Variants in DTWD2 observed in about 807,000 individuals in gnomAD.
DTWD2 encodes DTW motif tRNA-uridine aminocarboxypropyltransferase 2.
DTWD2 carries 39 observed loss-of-function variants against 31.8 expected under a neutral mutation model. The observed-to-expected ratio is 1.22, with a 90% confidence interval of 0.95 to 1.60. The LOEUF (loss-of-function observed/expected upper bound fraction) is 1.60, where lower values mean the gene tolerates loss of function less well. Ranked by LOEUF, DTWD2 falls within the 40% of genes most tolerant of loss-of-function variation. The pLI, the probability that DTWD2 is intolerant of heterozygous loss-of-function variation, is 0.00. For missense variants in DTWD2, 515 were observed against 381.5 expected (o/e 1.35, Z -2.92); for synonymous variants, 180 against 142.8 (o/e 1.26, Z -1.86).
At chr5:118,952,519 G>A (rs184590918) in intron 1 of DTWD2, among the ~76,000 whole-genome samples, 2 of 152,286 alleles carry the variant, frequency 1.3e-5, no homozygotes, top group Non-Finnish European at 2.9e-5. Flanking sequence ...TGAGCCGGGA[G>A]AAGGAATTTC....
At chr5:118,918,658 C>T (rs1235849138) in intron 4 of DTWD2, among the ~76,000 whole-genome samples, 1 of 152,076 alleles carries the variant, frequency 6.6e-6, no homozygotes, top group African/African-American at 2.4e-5. Context: ...ATTGCAACTG[C>T]TACTGCCACC....
At chr5:118,921,705 T>C (rs1167765644) in intron 4 of DTWD2, among the ~76,000 whole-genome samples, 1 of 152,048 alleles carries the variant, frequency 6.6e-6, no homozygotes. Flanking sequence ...TCCTGGAAAA[T>C]ACAGTACAGA....
intron 4 of DTWD2, among the ~76,000 whole-genome samples, chr5:118,903,158 A>C (rs896017152): frequency 5.9e-5 from 9 of 152,084 alleles, no homozygotes; most frequent in Non-Finnish European, 1.2e-4. Context: ...AAAAAAAAAA[A>C]AAACTTGAGT....
chr5:118,910,150 T>A (rs894861529), intron 4 of DTWD2, among the ~76,000 whole-genome samples: 1 of 152,226 alleles, frequency 6.6e-6, no homozygotes, highest in African/African-American at 2.4e-5. Context: ...AGGGTGACAA[T>A]TTTCCAAATC....
chr5:118,954,068 C>T (rs528341950), intron 1 of DTWD2, among the ~76,000 whole-genome samples: 13 of 152,064 alleles, frequency 8.5e-5, no homozygotes, highest in Non-Finnish European at 1.8e-4. Flanking sequence ...CACAGGAATT[C>T]GAGATCAGCC....
chr5:118,978,684 C>T (rs1201941239), intron 1 of DTWD2, among the ~76,000 whole-genome samples: 1 of 152,216 alleles, frequency 6.6e-6, no homozygotes, highest in African/African-American at 2.4e-5. Context: ...GATACCATCT[C>T]ATGCCAGTCA....
At chr5:118,873,996 T>C (rs1012778174) in intron 4 of DTWD2, among the ~76,000 whole-genome samples, 3 of 152,120 alleles carry the variant, frequency 2.0e-5, no homozygotes, top group African/African-American at 7.2e-5. Flanking sequence ...CCAAGTGCAG[T>C]GGATTCCAAG....
At chr5:118,979,508 A>G (rs1755244907) in intron 1 of DTWD2, among the ~76,000 whole-genome samples, 2 of 152,188 alleles carry the variant, frequency 1.3e-5, no homozygotes, top group African/African-American at 4.8e-5. Flanking sequence ...ATTACTGGGT[A>G]TATTACCAAA....
intron 4 of DTWD2, among the ~76,000 whole-genome samples, chr5:118,921,798 G>T (rs1753710682): frequency 6.6e-6 from 1 of 152,084 alleles, no homozygotes; most frequent in African/African-American, 2.4e-5. Context: ...AACCAACTCT[G>T]AATGCTGACA....
At chr5:118,961,488 T>TCCCA (rs143789214) in intron 1 of DTWD2, among the ~76,000 whole-genome samples, 3,044 of 152,258 alleles carry the variant, frequency 0.02, 95 homozygotes, top group African/African-American at 0.069. Context: ...TTTTGTATTA[T>TCCCA]CCCAGCTGTG....
At chr5:118,962,812 G>A (rs1324535979) in intron 1 of DTWD2, among the ~76,000 whole-genome samples, 1 of 152,180 alleles carries the variant, frequency 6.6e-6, no homozygotes. Context: ...TGAAACTAAG[G>A]CTTAGAGAGG....
At chr5:118,847,682 C>T (rs368236302) in intron 5 of DTWD2, among the ~76,000 whole-genome samples, 5 of 150,522 alleles carry the variant, frequency 3.3e-5, no homozygotes, top group African/African-American at 9.8e-5. Flanking sequence ...AGTTAGTATA[C>T]GGCACCAAGG....
intron 4 of DTWD2, among the ~76,000 whole-genome samples, chr5:118,919,901 T>C (rs573607598): frequency 4.6e-4 from 70 of 152,288 alleles, no homozygotes; most frequent in South Asian, 4.6e-3. Flanking sequence ...ACATGTAAGA[T>C]GTAGTCACCT....
intron 4 of DTWD2, among the ~76,000 whole-genome samples, chr5:118,919,105 C>T (rs748846083): frequency 3.3e-5 from 5 of 152,134 alleles, no homozygotes; most frequent in Non-Finnish European, 5.9e-5. Context: ...ACAGGAAACA[C>T]GGGTTCTAGA....
intron 1 of DTWD2, among the ~76,000 whole-genome samples, chr5:118,968,357 T>C (rs542941120): frequency 6.6e-6 from 1 of 152,188 alleles, no homozygotes; most frequent in Non-Finnish European, 1.5e-5. Flanking sequence ...TTAACAGTAC[T>C]GTACCAGAAG....
intron 3 of DTWD2, among the ~76,000 whole-genome samples, chr5:118,936,306 AGG>A (rs924876420): frequency 2.6e-5 from 4 of 152,078 alleles, no homozygotes; most frequent in Non-Finnish European, 4.4e-5. Flanking sequence ...GGGAGGCCAA[AGG>A]GGGTAAGATA....
rs954196382 is a variant in DTWD2, at chr5:118,947,182, G to A, written c.219-2533C>T. On this transcript the variant is annotated intron_variant, in intron 1 of 5. Transcript: ENST00000510708. ...GCCGGCAGGTGCAAAACTCCATGGG[G>A]CCCCCCGGCAGTGTCTAGGTGAGTA... Among the ~76,000 whole-genome samples, 5 of 152,216 alleles carry A rather than the reference G, an allele frequency of 3.3e-5. No homozygotes were observed. The East Asian group carries it at 9.7e-4, about 29-fold the overall frequency.
At chr5:118,902,760 A>AT (rs1436225559) in intron 4 of DTWD2, among the ~76,000 whole-genome samples, 1 of 152,096 alleles carries the variant, frequency 6.6e-6, no homozygotes, top group Non-Finnish European at 1.5e-5. Flanking sequence ...AATTTTTGAG[A>AT]TATCTTCTAC....
chr5:118,883,577 G>A lies in DTWD2; in HGVS notation c.598-35359C>T, dbSNP rs184547412. Among the ~76,000 whole-genome samples, 4 of 152,296 alleles carry A rather than the reference G, an allele frequency of 2.6e-5. No individual in the cohort carries two copies. The East Asian group carries it at 7.7e-4, about 29-fold the overall frequency. On this transcript the variant is annotated intron_variant, in intron 4 of 5. Transcript: ENST00000510708. ...ACTCACAGTTCCCCGCATAGCTGAGGAGGCCTCAGGAAACTTACGATCATG... is the reference window on the plus strand; with the variant it reads ...ACTCACAGTTCCCCGCATAGCTGAGAAGGCCTCAGGAAACTTACGATCATG...
Sources: allele counts gnomAD v4.1 joint callset (sites outside exome capture counted in the v4.1 genomes callset), GRCh38; gene constraint gnomAD v4.1.1; transcripts MANE v1.5; gene names NCBI Gene and HGNC (gene_info 2026-07-23, HGNC 2026-07-21).